TSACC: variants seen among roughly 807,000 people sequenced by gnomAD.
The protein encoded by TSACC is TSSK6-activating co-chaperone protein.
A neutral mutation model predicts 6.9 loss-of-function variants in TSACC; 3 were observed. That is an observed-to-expected ratio of 0.43 (90% CI 0.20 to 1.12). The LOEUF (loss-of-function observed/expected upper bound fraction) is 1.12. TSACC is among the 50% of genes most tolerant of loss of function. The pLI is 0.28. For missense variants in TSACC, 137 were observed against 143.9 expected (o/e 0.95, Z 0.24); for synonymous variants, 54 against 55.1 (o/e 0.98, Z 0.09).
In TSACC at chr1:156,344,678, C is replaced by T; in HGVS notation, c.133C>T (p.Leu45=). Reference sequence around the variant, plus strand: ...AGCAAGTTCCCCACCAGCCACTTTTCTGAACATCCAGACAACAAAGCTGCC... The same window carrying T: ...AGCAAGTTCCCCACCAGCCACTTTTTTGAACATCCAGACAACAAAGCTGCC... ...LQASSPPATF[L]NIQTTKLPSV... is the part of the protein sequence containing the mutation. Residue 45 remains leucine (L), a synonymous_variant, in exon 3 of 4, where the codon CTG becomes TTG. Transcript: ENST00000368254. 1 of 1,614,102 alleles carries T rather than the reference C, an allele frequency of 6.2e-7. No individual in the cohort carries two copies. Among genetic ancestry groups the T allele is most frequent in the Non-Finnish European group, 8.5e-7 (1 of 1,180,008 alleles).
chr1:156,341,511 G>A (rs1473152699), intron 2 of TSACC, among the ~76,000 whole-genome samples: 2 of 152,116 alleles, frequency 1.3e-5, no homozygotes, highest in Non-Finnish European at 2.9e-5. Context: ...TATCCACAAT[G>A]ACCCTACTTT....
At chr1:156,344,376 A>G (rs2101714495) in intron 2 of TSACC, among the ~76,000 whole-genome samples, 1 of 152,294 alleles carries the variant, frequency 6.6e-6, no homozygotes, top group South Asian at 2.1e-4. Context: ...GAACTTGTAA[A>G]CAAATTAGAT....
At chr1:156,343,495 A>G (rs1384326872) in intron 2 of TSACC, among the ~76,000 whole-genome samples, 1 of 151,988 alleles carries the variant, frequency 6.6e-6, no homozygotes, top group Admixed American at 6.6e-5. Flanking sequence ...CCAACCATAC[A>G]TTTTCTCAGA....
rs1355870866 is a variant in TSACC, at chr1:156,346,186, C to T, written c.164-582C>T. Among the ~76,000 whole-genome samples, 7 of 146,266 alleles carry T rather than the reference C, an allele frequency of 4.8e-5. No homozygotes were observed. In the East Asian group the frequency reaches 1.4e-3, roughly 29 times the overall value. On this transcript the variant is annotated intron_variant, in intron 3 of 3. Coordinates refer to ENST00000368254, the MANE Select transcript of TSACC (RefSeq NM_001304817.2). ...TCTAGCCTGGGTGACAAGTGAAACT[C>T]CGTCTCCAAAAAAAAAAAAAAAAAA... is the stretch of plus-strand genomic sequence containing the variant.
intron 2 of TSACC, among the ~76,000 whole-genome samples, chr1:156,341,167 C>T (rs1205952449): frequency 6.6e-6 from 1 of 152,136 alleles, no homozygotes; most frequent in Non-Finnish European, 1.5e-5. Context: ...TACTATTAAC[C>T]CCACAACAGA....
At chr1:156,342,155 C>T (rs941826783) in intron 2 of TSACC, among the ~76,000 whole-genome samples, 2 of 151,582 alleles carry the variant, frequency 1.3e-5, no homozygotes, top group Non-Finnish European at 2.9e-5. Flanking sequence ...TGGAAATTAA[C>T]ACATTTTGCA....
Position 156,346,913 on chromosome 1 carries a change from C to T in TSACC, c.309C>T (p.Ser103=), listed in dbSNP as rs765190919. The T allele has an allele frequency of 1.2e-6, 2 of 1,614,074 alleles. No homozygotes were observed. Among genetic ancestry groups the T allele is most frequent in the Non-Finnish European group, 1.7e-6 (2 of 1,180,028 alleles). The change falls in exon 4 of 4, where the codon AGC becomes AGT. Residue 103 remains serine (S), a synonymous_variant. Coordinates refer to ENST00000368254, the MANE Select transcript of TSACC (RefSeq NM_001304817.2). ...SVTQLAPGRG[S]NNSSLPALSP... ...CACAACTGGCTCCTGGGAGGGGAAG[C>T]AATAACTCTTCTCTCCCAGCCTTAT...
upstream of TSACC, chr1:156,338,478 C>G: frequency 1.9e-6 from 1 of 527,914 alleles, no homozygotes; most frequent in African/African-American, 1.9e-5. Context: ...GGTGGCCGCT[C>G]CCGGCCGCGT....
upstream of TSACC, chr1:156,337,361 T>C (rs1243325340): frequency 4.6e-6 from 1 of 215,334 alleles, no homozygotes; most frequent in Admixed American, 5.6e-5. Context: ...TGAACAGAGA[T>C]CGCGCCACTG....
At chr1:156,337,606 TA>T (rs1278841608), upstream of TSACC, 1 of 164,430 alleles carries the variant, frequency 6.1e-6, no homozygotes, top group African/African-American at 2.4e-5. Flanking sequence ...TTACTGAAAA[TA>T]AATGTAACGT....
At chr1:156,341,802 G>A (rs1351364092) in intron 2 of TSACC, among the ~76,000 whole-genome samples, 16 of 152,018 alleles carry the variant, frequency 1.1e-4, no homozygotes, top group Admixed American at 8.5e-4. Context: ...AGTGGCTCAC[G>A]CTTGTAATCC....
At chr1:156,343,080 C>CT (rs1665983124) in intron 2 of TSACC, among the ~76,000 whole-genome samples, 1 of 152,180 alleles carries the variant, frequency 6.6e-6, no homozygotes, top group Non-Finnish European at 1.5e-5. Flanking sequence ...TTTGCAGCTC[C>CT]TTCATCCCCT....
intron 2 of TSACC, among the ~76,000 whole-genome samples, chr1:156,342,677 T>C (rs1328160158): frequency 6.6e-6 from 1 of 152,222 alleles, no homozygotes; most frequent in Non-Finnish European, 1.5e-5. Context: ...TCAGTTGCTT[T>C]CATAGCACTT....
chr1:156,337,639 T>C (rs1252540100), upstream of TSACC: 1 of 167,780 alleles, frequency 6.0e-6, no homozygotes, highest in East Asian at 1.9e-4. Flanking sequence ...GGATATTACC[T>C]ATTTACCAGA....
chr1:156,346,829 T>G lies in TSACC; in HGVS notation c.225T>G (p.Leu75=). 1 of 1,614,186 alleles carries G rather than the reference T, an allele frequency of 6.2e-7. No homozygotes were observed. The highest frequency in any genetic ancestry group is 8.5e-7 in the Non-Finnish European group (1 of 1,180,030). ...LLECMYANLQ[L]QTQLAQQQMA... ...AATGTATGTATGCAAACCTCCAGCT[T>G]CAGACCCAGCTCGCCCAACAACAGA... Residue 75 remains leucine, a synonymous_variant, in exon 4 of 4, where the codon CTT becomes CTG. Transcript: ENST00000368254.
At chr1:156,338,946 A>C (rs1665633999) in intron 1 of TSACC, 1 of 152,382 alleles carries the variant, frequency 6.6e-6, no homozygotes. Flanking sequence ...GCGTTTCCTT[A>C]AGTTATCCTA....
Position 156,338,558 on chromosome 1 carries a change from A to C in TSACC, c.-172A>C, listed in dbSNP as rs1665581511. 2 of 380,484 alleles carry C rather than the reference A, an allele frequency of 5.3e-6. No homozygotes were observed. 23.6% of individuals were successfully genotyped at this position (380,484 alleles called of 1,614,324 possible). ...CAGCACACCACTACGCATGTGTGTC[A>C]ACTCTAGGGTTGGGTGCTGGGGTTG... On this transcript the variant is annotated 5_prime_UTR_variant, in exon 1 of 4. Transcript: ENST00000368254.
At chr1:156,344,052 T>C (rs917029169) in intron 2 of TSACC, among the ~76,000 whole-genome samples, 3 of 152,166 alleles carry the variant, frequency 2.0e-5, no homozygotes, top group African/African-American at 7.2e-5. Flanking sequence ...TTCTCAAGTT[T>C]TTAAGGTTCA....
At chr1:156,338,446 G>T, upstream of TSACC, 1 of 563,560 alleles carries the variant, frequency 1.8e-6, no homozygotes, top group Non-Finnish European at 3.2e-6. Context: ...GCACTGGGAG[G>T]GCACAGGCGC....
Sources: allele counts gnomAD v4.1 joint callset (sites outside exome capture counted in the v4.1 genomes callset), GRCh38; gene constraint gnomAD v4.1.1; transcripts MANE v1.5; gene names NCBI Gene and HGNC (gene_info 2026-07-23, HGNC 2026-07-21).